TBL1X: variants seen among roughly 807,000 people sequenced by gnomAD.
TBL1X encodes F-box-like/WD repeat-containing protein TBL1X.
A neutral mutation model predicts 50.7 loss-of-function variants in TBL1X; 10 were observed. The observed-to-expected ratio is 0.20, with a 90% CI of 0.12 to 0.33. TBL1X has a LOEUF of 0.33. TBL1X is among the 10% of genes least tolerant of loss of function. The pLI is 1.00. For missense variants in TBL1X, 340 were observed against 504.4 expected, an observed-to-expected ratio of 0.67 and a Z score of 3.12; for synonymous variants, 190 against 214.7, an observed-to-expected ratio of 0.88 and a Z score of 1.01.
At chrX:9,623,118 T>C (rs1429396465) in intron 2 of TBL1X, among the ~76,000 whole-genome samples, 3 of 111,845 alleles carry the variant, frequency 2.7e-5, no homozygotes, top group Non-Finnish European at 5.6e-5. Context: ...CCGTGACTCC[T>C]ATGATTTGAT....
At chrX:9,585,040 T>A (rs919685577) in intron 2 of TBL1X, among the ~76,000 whole-genome samples, 1 of 111,575 alleles carries the variant, frequency 9.0e-6, no homozygotes. Context: ...GAGAGAAGAT[T>A]CTCTAGGGAA....
chrX:9,691,738 C>T, intron 8 of TBL1X, 27 bp downstream of exon 8: 1 of 1,206,316 alleles, frequency 8.3e-7, no homozygotes, highest in East Asian at 3.0e-5. Context: ...GGGGGGCGCT[C>T]CAGAGTTGGG....
intron 2 of TBL1X, among the ~76,000 whole-genome samples, chrX:9,567,303 A>G (rs2082356262): frequency 9.0e-6 from 1 of 111,238 alleles, no homozygotes; most frequent in Non-Finnish European, 1.9e-5. Context: ...TCTGACAGGG[A>G]AGACCCTGGC....
At chrX:9,590,833 C>T (rs2082495975) in intron 2 of TBL1X, among the ~76,000 whole-genome samples, 1 of 110,823 alleles carries the variant, frequency 9.0e-6, no homozygotes, top group African/African-American at 3.3e-5. Context: ...TTGAGACTTG[C>T]CATGAGTCTT....
At chrX:9,673,668 T>C (rs1041934547) in intron 5 of TBL1X, among the ~76,000 whole-genome samples, 4 of 112,693 alleles carry the variant, frequency 3.5e-5, no homozygotes, top group African/African-American at 1.3e-4. Flanking sequence ...CATATGTATA[T>C]ATGTATATAT....
intron 2 of TBL1X, among the ~76,000 whole-genome samples, chrX:9,616,734 A>G (rs757926694): frequency 8.9e-5 from 10 of 112,133 alleles, no homozygotes; most frequent in Non-Finnish European, 1.7e-4. Flanking sequence ...AGCCTTTTAC[A>G]GTATGTTGCT....
intron 5 of TBL1X, among the ~76,000 whole-genome samples, chrX:9,663,746 G>A (rs1364838620): frequency 2.0e-5 from 2 of 98,627 alleles, no homozygotes; most frequent in Non-Finnish European, 4.0e-5. Flanking sequence ...GGGCGACAGA[G>A]CGAGATTCTG....
At position 9,543,765 on chromosome X, in the gene TBL1X, C is replaced by T. The variant is rs183097982; in HGVS notation, c.-131+41916C>T. Among the ~76,000 whole-genome samples, 91 of 111,627 alleles carry T rather than the reference C, an allele frequency of 8.2e-4. 1 individual carries two copies. The highest frequency in any genetic ancestry group is 2.8e-3 in the African/African-American group (87 of 30,682). On this transcript the variant is annotated intron_variant, in intron 2 of 17. Coordinates refer to ENST00000645353, the MANE Select transcript of TBL1X (RefSeq NM_005647.4). ...GGACAGGTGATAGAAATAGAAAATT[C>T]GACACAAATCGAAAATTCCAGTATC...
chrX:9,464,800 G>A (rs1397958055), upstream of TBL1X, among the ~76,000 whole-genome samples: 2 of 111,331 alleles, frequency 1.8e-5, no homozygotes, highest in East Asian at 2.9e-4. Flanking sequence ...GCGTGGGGGA[G>A]CGGGGCGGGC....
chrX:9,580,820 G>A (rs1452694614), intron 2 of TBL1X, among the ~76,000 whole-genome samples: 1 of 111,678 alleles, frequency 9.0e-6, no homozygotes, highest in Non-Finnish European at 1.9e-5. Context: ...ACCTTAAGAG[G>A]TTGTGGTGAC....
Position 9,697,716 on chromosome X carries a change from A to C in TBL1X, c.1114+287A>C, listed in dbSNP as rs150410375. Among the ~76,000 whole-genome samples, 642 of 111,543 alleles carry C rather than the reference A, an allele frequency of 5.8e-3. 8 individuals are homozygous for C. The highest frequency in any genetic ancestry group is 0.048 in the Admixed American group (501 of 10,484). ...AGCCCAGGAGATGGAGTTTGCGGTGAGCCAAGATTGCGCTACTGCACTCCA... is the reference window on the plus strand; with the variant it reads ...AGCCCAGGAGATGGAGTTTGCGGTGCGCCAAGATTGCGCTACTGCACTCCA... On this transcript the variant is annotated intron_variant, in intron 12 of 17. Transcript: ENST00000645353.
At chrX:9,687,571 C>T (rs1240161186) in intron 6 of TBL1X, among the ~76,000 whole-genome samples, 1 of 111,055 alleles carries the variant, frequency 9.0e-6, no homozygotes, top group Non-Finnish European at 1.9e-5. Context: ...AGCAGCGTCC[C>T]TGGGCTCCAC....
chrX:9,631,601 C>T (rs1160454758), intron 2 of TBL1X, among the ~76,000 whole-genome samples: 2 of 112,299 alleles, frequency 1.8e-5, no homozygotes, highest in Non-Finnish European at 3.8e-5. Context: ...ATATAAGAGC[C>T]TTACAACAAC....
At chrX:9,598,912 TTTTTTTGTTTTGTTTTG>T (rs2082539534) in intron 2 of TBL1X, among the ~76,000 whole-genome samples, 2 of 89,598 alleles carry the variant, frequency 2.2e-5, no homozygotes, top group African/African-American at 9.6e-5. Flanking sequence ...CCCTACCTTT[TTTTTTTGTTTTGTTTTG>T]TTTTGTTTTG....
intron 15 of TBL1X, 40 bp from the exon 16 acceptor site, chrX:9,711,571 C>T: frequency 1.8e-6 from 2 of 1,124,290 alleles, no homozygotes; most frequent in Non-Finnish European, 2.4e-6. Flanking sequence ...TTTGAAACCA[C>T]CGTGTGTATG....
intron 5 of TBL1X, among the ~76,000 whole-genome samples, chrX:9,676,170 G>A (rs900683734): frequency 2.7e-5 from 3 of 112,232 alleles, no homozygotes; most frequent in Non-Finnish European, 5.6e-5. Flanking sequence ...GTGTTCCAAG[G>A]TGCTGGAGAC....
intron 2 of TBL1X, among the ~76,000 whole-genome samples, chrX:9,589,517 G>A (rs746529715): frequency 1.3e-4 from 14 of 111,291 alleles, no homozygotes; most frequent in Non-Finnish European, 2.5e-4. Flanking sequence ...TGAGCCTTCC[G>A]ATCGGAGTTT....
chrX:9,601,743 AAATATTGAC>A (rs1684997543), intron 2 of TBL1X, among the ~76,000 whole-genome samples: 1 of 111,843 alleles, frequency 8.9e-6, no homozygotes. Flanking sequence ...TTTTAGATAG[AAATATTGAC>A]ACTATTGACA....
chrX:9,702,206 T>TGG (rs1188709583), intron 12 of TBL1X, among the ~76,000 whole-genome samples: 1 of 110,271 alleles, frequency 9.1e-6, no homozygotes, highest in Non-Finnish European at 1.9e-5. Flanking sequence ...GAGGCCAAGG[T>TGG]GGGAGAATCA....
Sources: gnomAD v4.1 joint callset for allele counts (sites outside exome capture counted in the v4.1 genomes callset) on GRCh38, gnomAD v4.1.1 for gene constraint, MANE v1.5 for transcripts, NCBI Gene and HGNC (gene_info 2026-07-23, HGNC 2026-07-21) for gene names.